The following MYBL2 variants were observed in gnomAD, a reference collection of about 807,000 sequenced individuals.
MYBL2 encodes the protein myb-related protein B.
MYBL2 carries 28 observed loss-of-function variants against 79.9 expected under a neutral mutation model. The ratio of observed to expected loss-of-function variants is 0.35; its 90% confidence interval spans 0.26 to 0.48. The LOEUF (loss-of-function observed/expected upper bound fraction) is 0.48, where lower values mean the gene tolerates loss of function less well. MYBL2 is among the 20% of genes least tolerant of loss of function. The probability of loss-of-function intolerance (pLI) is 0.99; values close to 1 mark genes in which losing one functional copy is unlikely to be tolerated. For synonymous variants in MYBL2, 378 were observed against 361.2 expected (o/e 1.05, Z -0.53); for missense variants, 735 against 893.9 (o/e 0.82, Z 2.27).
Position 43,674,234 on chromosome 20 carries a change from C to CGCT in MYBL2, c.114+335_114+336insGCT, listed in dbSNP as rs33986259. Among the ~76,000 whole-genome samples, 3 of 72,230 alleles carry CGCT rather than the reference C, an allele frequency of 4.2e-5. 1 individual carries two copies. In the Admixed American group the frequency reaches 5.1e-4, roughly 12 times the overall value. The allele number at this position is 72,230 out of a possible 152,430, so 47.4% of individuals were successfully genotyped here. On this transcript the variant is annotated intron_variant, in intron 2 of 13. Transcript: ENST00000217026. ...GGCCAAATCTGTAACTCCCCCCACCCTTTTTTTTTTTTTTTTTTTGAGACA... is the reference window on the plus strand; with the variant it reads ...GGCCAAATCTGTAACTCCCCCCACCCGCTTTTTTTTTTTTTTTTTTTTGAGACA...
chr20:43,705,980 G>T (rs776196458), intron 9 of MYBL2, among the ~76,000 whole-genome samples: 2 of 152,156 alleles, frequency 1.3e-5, no homozygotes, highest in Non-Finnish European at 2.9e-5. Context: ...GATTACAGGC[G>T]TGAGCCACCA....
At chr20:43,670,146 G>T (rs1986823640) in intron 1 of MYBL2, among the ~76,000 whole-genome samples, 1 of 152,150 alleles carries the variant, frequency 6.6e-6, no homozygotes, top group African/African-American at 2.4e-5. Context: ...GGAGCACCAG[G>T]GAGTGTCCAT....
intron 7 of MYBL2, among the ~76,000 whole-genome samples, chr20:43,700,928 C>T (rs1425983545): frequency 2.0e-5 from 3 of 152,172 alleles, no homozygotes; most frequent in South Asian, 2.1e-4. Flanking sequence ...CACTGATTGC[C>T]GGAGCCAGTG....
At chr20:43,675,077 T>C (rs1986972332) in intron 2 of MYBL2, among the ~76,000 whole-genome samples, 1 of 151,998 alleles carries the variant, frequency 6.6e-6, no homozygotes, top group Non-Finnish European at 1.5e-5. Flanking sequence ...CTTTCTGGGC[T>C]CAAGCAATCC....
chr20:43,713,166 GTGTAGTGACT>G, intron 12 of MYBL2, 60 bp downstream of exon 12: 4 of 1,399,974 alleles, frequency 2.9e-6, no homozygotes, highest in Non-Finnish European at 3.9e-6. Context: ...GGTGGAGTTA[GTGTAGTGACT>G]CTCCAACTGG....
intron 12 of MYBL2, 122 bp downstream of exon 12, chr20:43,713,228 AGGGTGGGT>A: frequency 5.1e-6 from 2 of 393,596 alleles, no homozygotes; most frequent in East Asian, 7.7e-5. Context: ...GCTATCAGGG[AGGGTGGGT>A]CCGGGCACCC....
At chr20:43,686,619 A>T (rs1434054600) in intron 4 of MYBL2, among the ~76,000 whole-genome samples, 1 of 152,176 alleles carries the variant, frequency 6.6e-6, no homozygotes, top group African/African-American at 2.4e-5. Context: ...TTCTTGGCCT[A>T]GATTTATTCC....
intron 10 of MYBL2, 76 bp from the exon 11 acceptor site, chr20:43,711,412 G>C (rs1987902446): frequency 8.8e-7 from 1 of 1,140,708 alleles, no homozygotes; most frequent in Admixed American, 2.1e-5. Context: ...AGTTGCAGCT[G>C]GGTTGGTCCC....
chr20:43,682,561 G>A lies in MYBL2; in HGVS notation c.187-233G>A, dbSNP rs1987170156. Among the ~76,000 whole-genome samples the A allele has an allele frequency of 2.6e-5, 4 of 152,346 alleles. No individual in the cohort carries two copies. The South Asian group carries it at 8.3e-4, about 32-fold the overall frequency. ...GGTGGCCCCTTGTGTTCGGTTGGTA[G>A]GGAGCGGCTTCCCACAGGGGACCGA... On this transcript the variant is annotated intron_variant, in intron 3 of 13. Transcript: ENST00000217026.
At chr20:43,673,676 A>C (rs752873702) in intron 1 of MYBL2, 130 bp from the exon 2 acceptor site, 10 of 849,422 alleles carry the variant, frequency 1.2e-5, no homozygotes, top group African/African-American at 9.9e-5. Flanking sequence ...ATGTCTTAAA[A>C]AGAAGAAAAA....
chr20:43,685,211 G>T (rs1002853609), intron 4 of MYBL2, among the ~76,000 whole-genome samples: 1 of 151,224 alleles, frequency 6.6e-6, no homozygotes. Context: ...ATGGAGTTTC[G>T]CTCTTGTTGC....
At position 43,712,994 on chromosome 20, in the gene MYBL2, AC is replaced by A; in HGVS notation, c.1720-4del. 1.2e-6 allele frequency: 2 copies of A among 1,604,604 alleles called. No homozygotes were observed. Among genetic ancestry groups the A allele is most frequent in the Non-Finnish European group, 8.5e-7 (1 of 1,174,494 alleles). On this transcript the variant is annotated splice_polypyrimidine_tract_variant and splice_region_variant and intron_variant, in intron 11 of 13. Coordinates refer to ENST00000217026, the MANE Select transcript of MYBL2 (RefSeq NM_002466.4). The stretch of plus-strand genomic sequence containing the variant: ...CACCCTAACCCCCTTCTATCTGCCA[AC>A]CCCTAGCTGCGGCGGAGCCCCATCA...
chr20:43,672,126 G>T (rs370790428), intron 1 of MYBL2, among the ~76,000 whole-genome samples: 2 of 100,668 alleles, frequency 2.0e-5, no homozygotes, highest in East Asian at 3.0e-4. Flanking sequence ...CAGGAGAATC[G>T]CCTGAACCTG....
intron 2 of MYBL2, among the ~76,000 whole-genome samples, chr20:43,676,591 A>G (rs1218966997): frequency 6.6e-6 from 1 of 152,154 alleles, no homozygotes; most frequent in Non-Finnish European, 1.5e-5. Flanking sequence ...GACTGTTTGC[A>G]GTTTTTGGCT....
rs6031041 is a variant in MYBL2 at position 43,699,340 on chromosome 20, C to T, written c.664-417C>T. On this transcript the variant is annotated intron_variant, in intron 6 of 13. Transcript: ENST00000217026. ...GGATTACAGGCGTGAGCCTCTGCAC[C>T]CAACCTCTGTGTATTACTTCTTTCA... 8.6e-3 allele frequency among the ~76,000 whole-genome samples: 1,311 copies of T among 152,334 alleles called. 9 individuals are homozygous for T. Among genetic ancestry groups the T allele is most frequent in the African/African-American group, 0.03 (1,234 of 41,576 alleles).
chr20:43,672,106 G>A (rs1986874874), intron 1 of MYBL2, among the ~76,000 whole-genome samples: 1 of 152,012 alleles, frequency 6.6e-6, no homozygotes, highest in Non-Finnish European at 1.5e-5. Context: ...AGCTACTCAG[G>A]AGGCTGAGGC....
intron 6 of MYBL2, among the ~76,000 whole-genome samples, chr20:43,698,624 C>T (rs1987611590): frequency 6.7e-6 from 1 of 149,986 alleles, no homozygotes; most frequent in South Asian, 2.1e-4. Context: ...GTGATCCGCC[C>T]GTCTCGGCCT....
chr20:43,701,956 A>C (rs1987682048), intron 7 of MYBL2, among the ~76,000 whole-genome samples: 1 of 152,194 alleles, frequency 6.6e-6, no homozygotes, highest in Non-Finnish European at 1.5e-5. Flanking sequence ...ACCTGAGGTC[A>C]GGAGTTCGAG....
chr20:43,716,197 C>A lies in MYBL2; in HGVS notation c.*110C>A. 6.6e-7 allele frequency: 1 copy of A among 1,526,478 alleles called. No homozygotes were observed. Among genetic ancestry groups the A allele is most frequent in the Non-Finnish European group, 8.8e-7 (1 of 1,130,880 alleles). The allele number at this position is 1,526,478 out of a possible 1,614,324, so 94.6% of individuals were successfully genotyped here. On this transcript the variant is annotated 3_prime_UTR_variant, in exon 14 of 14. Transcript: ENST00000217026. ...GTGACCTCCTGCAGGGAGCCTTCTG[C>A]CACCAGCCCCTCCCCAGACTCTCAG...
Sources: allele counts gnomAD v4.1 joint callset (sites outside exome capture counted in the v4.1 genomes callset), GRCh38; gene constraint gnomAD v4.1.1; transcripts MANE v1.5; gene names NCBI Gene and HGNC (gene_info 2026-07-23, HGNC 2026-07-21).